PDE4D: variants seen among roughly 807,000 people sequenced by gnomAD.
PDE4D encodes the protein 3',5'-cyclic-AMP phosphodiesterase 4D.
In PDE4D, 24 loss-of-function variants were observed where a neutral mutation model predicts 87.4. The ratio of observed to expected loss-of-function variants is 0.27; its 90% CI spans 0.20 to 0.39. The LOEUF (loss-of-function observed/expected upper bound fraction) is 0.39, where lower values mean the gene tolerates loss of function less well. Ranked by LOEUF, PDE4D falls within the 10% of genes least tolerant of loss-of-function variation. The pLI is 1.00. For missense variants in PDE4D, 714 were observed against 1,041.0 expected, an observed-to-expected ratio of 0.69 and a Z score of 4.32; for synonymous variants, 384 against 383.2, an observed-to-expected ratio of 1.00 and a Z score of -0.02.
At chr5:60,459,671 A>G (rs904082052) in intron 1 of PDE4D, among the ~76,000 whole-genome samples, 3 of 152,160 alleles carry the variant, frequency 2.0e-5, no homozygotes, top group African/African-American at 7.2e-5. Context: ...TCAAACAGAA[A>G]GGCGTAGAGA....
intron 2 of PDE4D, among the ~76,000 whole-genome samples, chr5:60,009,216 C>T (rs898178150): frequency 6.6e-6 from 1 of 152,010 alleles, no homozygotes; most frequent in African/African-American, 2.4e-5. Flanking sequence ...GGGAGCAGCA[C>T]TCCTCAGATA....
intron 1 of PDE4D, among the ~76,000 whole-genome samples, chr5:59,774,151 G>A (rs1283678498): frequency 1.3e-5 from 2 of 152,292 alleles, no homozygotes; most frequent in South Asian, 2.1e-4. Context: ...TAACATTTAC[G>A]TGGTAGGTGG....
At chr5:59,752,593 C>T (rs867834437) in intron 1 of PDE4D, among the ~76,000 whole-genome samples, 1 of 152,046 alleles carries the variant, frequency 6.6e-6, no homozygotes, top group South Asian at 2.1e-4. Context: ...GAAAACAATC[C>T]CTCGTCCCCT....
At chr5:59,913,742 C>T (rs1753694479) in intron 3 of PDE4D, among the ~76,000 whole-genome samples, 1 of 151,830 alleles carries the variant, frequency 6.6e-6, no homozygotes, top group African/African-American at 2.4e-5. Context: ...GTGAAAATAG[C>T]TTATATATGC....
intron 1 of PDE4D, among the ~76,000 whole-genome samples, chr5:60,302,987 C>T (rs1236501926): frequency 1.3e-5 from 2 of 151,822 alleles, no homozygotes; most frequent in Non-Finnish European, 2.9e-5. Flanking sequence ...GTGCCACACA[C>T]CCAGCTACTT....
intron 1 of PDE4D, among the ~76,000 whole-genome samples, chr5:59,609,559 TTCCCGACTGTGGTGTC>T: frequency 6.6e-6 from 1 of 152,262 alleles, no homozygotes; most frequent in South Asian, 2.1e-4. Context: ...ACTGGGAACT[TTCCCGACTGTGGTGTC>T]TCCCATTAAC....
chr5:60,194,997 T>C (rs1376436842), intron 1 of PDE4D, among the ~76,000 whole-genome samples: 3 of 151,714 alleles, frequency 2.0e-5, no homozygotes, highest in East Asian at 3.8e-4. Context: ...TCACTTGCTA[T>C]AGGGAACCAC....
chr5:59,609,377 T>TACAC (rs61116888), intron 1 of PDE4D, among the ~76,000 whole-genome samples: 11,280 of 147,646 alleles, frequency 0.076, 579 homozygotes, highest in Admixed American at 0.14. Context: ...TTTGTATATG[T>TACAC]ACACACACAC....
At chr5:59,352,404 G>T (rs1473766160) in intron 1 of PDE4D, among the ~76,000 whole-genome samples, 2 of 152,162 alleles carry the variant, frequency 1.3e-5, no homozygotes, top group Admixed American at 1.3e-4. Context: ...GCAACAGGAG[G>T]TATTCTTGGG....
chr5:60,160,582 C>T (rs539979252), intron 2 of PDE4D, among the ~76,000 whole-genome samples: 1 of 152,194 alleles, frequency 6.6e-6, no homozygotes, highest in Admixed American at 6.5e-5. Flanking sequence ...TATTCAGTTG[C>T]TTTCTTTATT....
At chr5:59,811,031 G>C (rs16890222) in intron 1 of PDE4D, among the ~76,000 whole-genome samples, 8,202 of 152,220 alleles carry the variant, frequency 0.054, 766 homozygotes, top group African/African-American at 0.19. Context: ...GTATAAAGGA[G>C]CTAAACGGAG....
chr5:59,714,209 G>GA (rs796382348), intron 1 of PDE4D, among the ~76,000 whole-genome samples: 13 of 152,300 alleles, frequency 8.5e-5, no homozygotes, highest in African/African-American at 3.1e-4. Flanking sequence ...TTGACTGAGA[G>GA]AAAATCGATA....
intron 1 of PDE4D, among the ~76,000 whole-genome samples, chr5:59,412,707 G>A (rs1447450583): frequency 3.3e-5 from 5 of 152,214 alleles, no homozygotes; most frequent in Admixed American, 2.0e-4. Flanking sequence ...ATCACATGCA[G>A]AATGAGTATA....
intron 6 of PDE4D, among the ~76,000 whole-genome samples, chr5:59,030,422 CAAA>C (rs373275661): frequency 3.4e-5 from 2 of 58,300 alleles, no homozygotes; most frequent in African/African-American, 1.4e-4. Context: ...AACAGAGATA[CAAA>C]AAAAAAAAAA....
chr5:59,799,884 A>G (rs1766916231), intron 1 of PDE4D, among the ~76,000 whole-genome samples: 1 of 152,240 alleles, frequency 6.6e-6, no homozygotes. Flanking sequence ...AGCTGGCAGC[A>G]CAGGTCTTTA....
intron 2 of PDE4D, among the ~76,000 whole-genome samples, chr5:59,211,592 C>T (rs1383194379): frequency 6.6e-6 from 1 of 151,966 alleles, no homozygotes; most frequent in African/African-American, 2.4e-5. Context: ...AATCAAAATG[C>T]TTGCTTTTTT....
At chr5:60,413,061 A>T (rs772156930) in intron 1 of PDE4D, among the ~76,000 whole-genome samples, 5 of 152,214 alleles carry the variant, frequency 3.3e-5, no homozygotes, top group Non-Finnish European at 7.4e-5. Flanking sequence ...TGTATAATTC[A>T]TTTAACTAAG....
At chr5:59,366,769 A>G (rs955943364) in intron 1 of PDE4D, among the ~76,000 whole-genome samples, 2 of 151,868 alleles carry the variant, frequency 1.3e-5, no homozygotes, top group Non-Finnish European at 2.9e-5. Flanking sequence ...ACTTTTCTAT[A>G]AATGAAAAAA....
chr5:59,280,857 T>G (rs944777082), intron 1 of PDE4D, among the ~76,000 whole-genome samples: 1 of 150,498 alleles, frequency 6.6e-6, no homozygotes, highest in African/African-American at 2.4e-5. Flanking sequence ...TGTAAGAGAT[T>G]TTTTCCTCTG....
Sources: gnomAD v4.1 joint callset for allele counts (sites outside exome capture counted in the v4.1 genomes callset) on GRCh38, gnomAD v4.1.1 for gene constraint, MANE v1.5 for transcripts, NCBI Gene and HGNC (gene_info 2026-07-23, HGNC 2026-07-21) for gene names.